The following MCC variants were observed in gnomAD, a reference collection of about 807,000 sequenced individuals.
MCC encodes MCC regulator of Wnt signaling pathway.
A neutral mutation model predicts 116.2 loss-of-function variants in MCC; 90 were observed. That is an observed-to-expected ratio of 0.77 (90% CI 0.65 to 0.92). The LOEUF (loss-of-function observed/expected upper bound fraction) is 0.92, where lower values mean the gene tolerates loss of function less well. Among genes scored for constraint, MCC ranks in the 40% least tolerant of loss-of-function variants. MCC has a pLI of 0.00. For missense variants in MCC, 1,516 were observed against 1,312.2 expected (o/e 1.16, Z -2.40); for synonymous variants, 578 against 510.5 (o/e 1.13, Z -1.78).
intron 3 of MCC, among the ~76,000 whole-genome samples, chr5:113,221,528 G>A (rs1177530091): frequency 6.6e-6 from 1 of 152,244 alleles, no homozygotes; most frequent in Non-Finnish European, 1.5e-5. Flanking sequence ...TTATGGTTTA[G>A]GAGGCATGCA....
At chr5:113,102,246 T>C (rs760807289) in intron 7 of MCC, among the ~76,000 whole-genome samples, 28 of 152,330 alleles carry the variant, frequency 1.8e-4, no homozygotes, top group Non-Finnish European at 3.5e-4. Flanking sequence ...ATCCACACAA[T>C]GCTTATTTCC....
chr5:113,040,396 C>A (rs940084776), intron 17 of MCC, among the ~76,000 whole-genome samples: 1 of 152,084 alleles, frequency 6.6e-6, no homozygotes, highest in Non-Finnish European at 1.5e-5. Context: ...TTAGCCTCTT[C>A]CTCTTCCCTT....
chr5:113,121,558 A>G (rs750700770), intron 6 of MCC, among the ~76,000 whole-genome samples: 3 of 152,202 alleles, frequency 2.0e-5, no homozygotes, highest in Non-Finnish European at 4.4e-5. Flanking sequence ...ACGCCTTCCT[A>G]GAGGAAGCCT....
At chr5:113,165,351 C>T (rs2150299924) in intron 3 of MCC, among the ~76,000 whole-genome samples, 1 of 152,338 alleles carries the variant, frequency 6.6e-6, no homozygotes, top group East Asian at 1.9e-4. Flanking sequence ...TAAAAAGCCT[C>T]CCTGTTTCTT....
intron 1 of MCC, chr5:113,448,315 G>A (rs139983658): frequency 3.0e-4 from 46 of 152,302 alleles, no homozygotes; most frequent in African/African-American, 1.1e-3. Flanking sequence ...ATGTGGAAGA[G>A]CTATGAGTCT....
At chr5:113,135,558 CA>C (rs11377680) in intron 5 of MCC, among the ~76,000 whole-genome samples, 4,730 of 102,630 alleles carry the variant, frequency 0.046, 72 homozygotes, top group African/African-American at 0.076. Context: ...GACTCTGTCT[CA>C]AAAAAAAAAA....
intron 10 of MCC, among the ~76,000 whole-genome samples, chr5:113,083,724 C>A (rs562541437): frequency 1.1e-4 from 16 of 152,180 alleles, no homozygotes; most frequent in Admixed American, 2.0e-4. Flanking sequence ...GTGGAAAGCA[C>A]ATCCCCTTTC....
intron 1 of MCC, among the ~76,000 whole-genome samples, chr5:113,416,021 C>G (rs1770134831): frequency 6.6e-6 from 1 of 152,148 alleles, no homozygotes; most frequent in Admixed American, 6.6e-5. Flanking sequence ...TTCTAACAGT[C>G]AGGTCCCTAA....
chr5:113,157,070 A>G (rs1760212006), intron 3 of MCC, among the ~76,000 whole-genome samples: 2 of 152,186 alleles, frequency 1.3e-5, no homozygotes, highest in Admixed American at 1.3e-4. Context: ...AAAAGGCTTC[A>G]CACTTCATAA....
chr5:113,036,329 C>T (rs1033169760), intron 17 of MCC, among the ~76,000 whole-genome samples: 2 of 152,096 alleles, frequency 1.3e-5, no homozygotes, highest in Non-Finnish European at 2.9e-5. Flanking sequence ...TGAGCCACCG[C>T]GCCTGGCCTA....
At chr5:113,103,093 G>A (rs749383820) in intron 7 of MCC, among the ~76,000 whole-genome samples, 6 of 151,980 alleles carry the variant, frequency 3.9e-5, no homozygotes, top group African/African-American at 7.2e-5. Context: ...CAGCCTGGGC[G>A]ACAGAGCAAG....
chr5:113,049,994 G>C (rs1330046233), intron 15 of MCC, among the ~76,000 whole-genome samples: 1 of 152,236 alleles, frequency 6.6e-6, no homozygotes, highest in Admixed American at 6.5e-5. Flanking sequence ...AAATAGGACA[G>C]TGCCATCCTG....
chr5:113,441,278 T>A (rs1229551830), intron 1 of MCC, among the ~76,000 whole-genome samples: 1 of 152,114 alleles, frequency 6.6e-6, no homozygotes, highest in East Asian at 1.9e-4. Context: ...GAGGTTACAG[T>A]GAGCCCAGAT....
At chr5:113,157,892 C>T (rs1241935112) in intron 3 of MCC, among the ~76,000 whole-genome samples, 1 of 152,156 alleles carries the variant, frequency 6.6e-6, no homozygotes, top group African/African-American at 2.4e-5. Flanking sequence ...TAACAATATG[C>T]CAGCACTGCT....
chr5:113,082,774 C>A, intron 11 of MCC, 86 bp downstream of exon 11: 2 of 1,512,508 alleles, frequency 1.3e-6, no homozygotes, highest in South Asian at 1.3e-5. Context: ...AATACATAAG[C>A]CACCTTGAAC....
rs569672018 is a variant in MCC at position 113,345,418 on chromosome 5, A to G, written c.416-4688T>C. ...AAGCCCTAGGGCCTTGAGTGAACAT[A>G]GGCAGTAGCCACATAGTGGTTACAG... is the stretch of plus-strand genomic sequence containing the variant. On this transcript the variant is annotated intron_variant, in intron 2 of 18. Coordinates refer to ENST00000408903, the MANE Select transcript of MCC (RefSeq NM_001085377.2). Among the ~76,000 whole-genome samples the G allele has an allele frequency of 4.9e-4, 75 of 152,310 alleles. 1 individual carries two copies. In the South Asian group the frequency reaches 0.014, roughly 29 times the overall value.
At chr5:113,268,071 C>T (rs533866646) in intron 3 of MCC, among the ~76,000 whole-genome samples, 5 of 152,244 alleles carry the variant, frequency 3.3e-5, no homozygotes, top group Non-Finnish European at 7.4e-5. Context: ...TTGTAGCCAA[C>T]GAATCTTCTA....
At position 113,051,434 on chromosome 5, in the gene MCC, G is replaced by A. The variant is rs569292662; in HGVS notation, c.2449-2135C>T. On this transcript the variant is annotated intron_variant, in intron 15 of 18. Coordinates refer to ENST00000408903, the MANE Select transcript of MCC (RefSeq NM_001085377.2). Reference sequence around the variant, plus strand: ...GGGATAAGATGTTCAAAAAGGAAGAGAAGGCCAGGCCTGGTGCCTCACATC... The same window carrying A: ...GGGATAAGATGTTCAAAAAGGAAGAAAAGGCCAGGCCTGGTGCCTCACATC... Among the ~76,000 whole-genome samples the A allele has an allele frequency of 4.6e-5, 7 of 152,308 alleles. No individual in the cohort carries two copies. The East Asian group carries it at 1.4e-3, about 29-fold the overall frequency.
At chr5:113,068,897 G>A (rs1753820054) in intron 12 of MCC, among the ~76,000 whole-genome samples, 1 of 152,180 alleles carries the variant, frequency 6.6e-6, no homozygotes, top group African/African-American at 2.4e-5. Flanking sequence ...CACCTACTAA[G>A]CCACCCCCAG....
Sources: allele counts gnomAD v4.1 joint callset (sites outside exome capture counted in the v4.1 genomes callset), GRCh38; gene constraint gnomAD v4.1.1; transcripts MANE v1.5; gene names NCBI Gene and HGNC (gene_info 2026-07-23, HGNC 2026-07-21).